The following OXCT1 variants were observed in gnomAD, a reference collection of about 807,000 sequenced individuals.
The protein encoded by OXCT1 is succinyl-CoA:3-ketoacid coenzyme A transferase 1, mitochondrial.
Under a neutral mutation model 69.6 loss-of-function variants are expected in OXCT1, and 27 were observed. The observed-to-expected ratio is 0.39, with a 90% CI of 0.29 to 0.54. OXCT1 has a LOEUF of 0.54. Ranked by LOEUF, OXCT1 falls within the 20% of genes least tolerant of loss-of-function variation. The pLI is 0.72. For missense variants in OXCT1, 437 were observed against 650.2 expected (o/e 0.67, Z 3.57); for synonymous variants, 202 against 217.8 (o/e 0.93, Z 0.64).
intron 14 of OXCT1, among the ~76,000 whole-genome samples, chr5:41,753,410 A>G (rs1236045912): frequency 2.0e-5 from 3 of 152,110 alleles, no homozygotes; most frequent in Admixed American, 6.6e-5. Context: ...CAGAGAAGGC[A>G]AGTTCTGGGA....
chr5:41,810,121 C>T (rs914924665), intron 7 of OXCT1, among the ~76,000 whole-genome samples: 1 of 151,782 alleles, frequency 6.6e-6, no homozygotes, highest in Non-Finnish European at 1.5e-5. Context: ...TATCTTAATG[C>T]TAGCTATTGA....
chr5:41,801,019 T>TA lies in OXCT1; in HGVS notation c.1099+2dup. On this transcript the variant is annotated splice_region_variant and intron_variant, in intron 11 of 16. Transcript: ENST00000196371. ...GGGAAGGGCTAGAAATAAGTGAGCT[T>TA]ACCTGCATTGATGAGATCTGCATCA... 8.1e-6 allele frequency: 13 copies of TA among 1,611,274 alleles called. No individual in the cohort carries two copies. The highest frequency in any genetic ancestry group is 1.1e-5 in the Non-Finnish European group (13 of 1,177,558).
chr5:41,769,252 C>A (rs1379431920), intron 13 of OXCT1, among the ~76,000 whole-genome samples: 3 of 152,138 alleles, frequency 2.0e-5, no homozygotes, highest in East Asian at 3.9e-4. Flanking sequence ...TTATGAGACA[C>A]CTCCCTTCTC....
At chr5:41,829,482 T>G (rs929994256) in intron 7 of OXCT1, among the ~76,000 whole-genome samples, 1 of 152,156 alleles carries the variant, frequency 6.6e-6, no homozygotes, top group African/African-American at 2.4e-5. Flanking sequence ...TGACTTGCTG[T>G]AATTGGTATT....
At chr5:41,859,774 G>A (rs1561135352) in intron 3 of OXCT1, among the ~76,000 whole-genome samples, 1 of 149,894 alleles carries the variant, frequency 6.7e-6, no homozygotes, top group African/African-American at 2.5e-5. Flanking sequence ...TTATCTTGAG[G>A]TTCAAAGTCA....
chr5:41,743,739 C>T lies in OXCT1; in HGVS notation c.1420-4248G>A, dbSNP rs376473385. On this transcript the variant is annotated intron_variant, in intron 15 of 16. Coordinates refer to ENST00000196371, the MANE Select transcript of OXCT1 (RefSeq NM_000436.4). Reference sequence around the variant, plus strand: ...CAGCACCATTTATTAAATAGGGAATCCTTTCCCCATTGCTTGTTTTTGTCA... The same window carrying T: ...CAGCACCATTTATTAAATAGGGAATTCTTTCCCCATTGCTTGTTTTTGTCA... Among the ~76,000 whole-genome samples, 110 of 152,240 alleles carry T rather than the reference C, an allele frequency of 7.2e-4. 2 individuals carry two copies. In the East Asian group the frequency reaches 0.016, roughly 22 times the overall value.
chr5:41,786,133 G>A (rs541905118), intron 13 of OXCT1, among the ~76,000 whole-genome samples: 21 of 152,240 alleles, frequency 1.4e-4, no homozygotes, highest in South Asian at 1.0e-3. Flanking sequence ...TAAGTGGACC[G>A]CAGGAAAGTC....
chr5:41,861,266 A>C, intron 3 of OXCT1, 48 bp downstream of exon 3: 1 of 1,133,152 alleles, frequency 8.8e-7, no homozygotes, highest in Non-Finnish European at 1.3e-6. Context: ...TTAAATATTA[A>C]GAATTGGCAT....
chr5:41,838,155 T>C (rs1748459543), intron 7 of OXCT1, among the ~76,000 whole-genome samples: 1 of 152,084 alleles, frequency 6.6e-6, no homozygotes, highest in African/African-American at 2.4e-5. Flanking sequence ...CATAGCAACC[T>C]GGAGGCCAGC....
intron 7 of OXCT1, among the ~76,000 whole-genome samples, chr5:41,813,223 C>A (rs985263612): frequency 6.6e-6 from 1 of 151,970 alleles, no homozygotes; most frequent in Non-Finnish European, 1.5e-5. Flanking sequence ...TCAACAAATA[C>A]AAACTAAGCA....
At chr5:41,812,485 A>G (rs1747031569) in intron 7 of OXCT1, among the ~76,000 whole-genome samples, 1 of 152,036 alleles carries the variant, frequency 6.6e-6, no homozygotes, top group Admixed American at 6.6e-5. Flanking sequence ...CAGGGCTCCC[A>G]CAAAAGAGAC....
chr5:41,847,883 C>T (rs1748998555), intron 5 of OXCT1, among the ~76,000 whole-genome samples: 1 of 149,668 alleles, frequency 6.7e-6, no homozygotes, highest in Non-Finnish European at 1.5e-5. Context: ...ACAGGGATGC[C>T]CTCTCTCACC....
chr5:41,810,569 A>G (rs1419928074), intron 7 of OXCT1, among the ~76,000 whole-genome samples: 2 of 152,064 alleles, frequency 1.3e-5, no homozygotes. Context: ...TCATTAACAG[A>G]AAAATAGACA....
chr5:41,847,114 C>A (rs551618785), intron 5 of OXCT1, among the ~76,000 whole-genome samples: 148 of 151,914 alleles, frequency 9.7e-4, no homozygotes, highest in Non-Finnish European at 1.3e-3. Flanking sequence ...ACCGATCCCA[C>A]AGAAATACAA....
At chr5:41,790,588 T>C (rs554095922) in intron 13 of OXCT1, among the ~76,000 whole-genome samples, 2 of 152,208 alleles carry the variant, frequency 1.3e-5, no homozygotes, top group Non-Finnish European at 2.9e-5. Flanking sequence ...TAATGATTGA[T>C]GATAATGTCA....
chr5:41,842,247 G>A (rs1488250395), intron 6 of OXCT1, among the ~76,000 whole-genome samples: 1 of 152,156 alleles, frequency 6.6e-6, no homozygotes, highest in Non-Finnish European at 1.5e-5. Flanking sequence ...CAAAAGGACT[G>A]AAGGACTGAC....
chr5:41,831,583 C>A (rs185336802), intron 7 of OXCT1, among the ~76,000 whole-genome samples: 2 of 152,170 alleles, frequency 1.3e-5, no homozygotes, highest in African/African-American at 4.8e-5. Context: ...TTTCCAGAAC[C>A]TATAAAAATA....
intron 13 of OXCT1, among the ~76,000 whole-genome samples, chr5:41,783,024 T>A (rs150042476): frequency 2.3e-4 from 35 of 152,310 alleles, no homozygotes; most frequent in African/African-American, 8.4e-4. Flanking sequence ...GAATTGCAGT[T>A]TATGAAAAGA....
At chr5:41,835,888 G>T (rs548662455) in intron 7 of OXCT1, among the ~76,000 whole-genome samples, 2 of 152,206 alleles carry the variant, frequency 1.3e-5, no homozygotes, top group South Asian at 4.1e-4. Flanking sequence ...AGCATCAACA[G>T]TCTCCTGAGT....
Sources: gnomAD v4.1 joint callset for allele counts (sites outside exome capture counted in the v4.1 genomes callset) on GRCh38, gnomAD v4.1.1 for gene constraint, MANE v1.5 for transcripts, NCBI Gene and HGNC (gene_info 2026-07-23, HGNC 2026-07-21) for gene names.